The following ZNF341 variants were observed in gnomAD, a reference collection of about 807,000 sequenced individuals.
ZNF341 encodes zinc finger protein 341.
Under a neutral mutation model 87.7 loss-of-function variants are expected in ZNF341, and 52 were observed. The observed-to-expected ratio is 0.59, with a 90% CI of 0.47 to 0.75. The LOEUF (loss-of-function observed/expected upper bound fraction) is 0.75, where lower values mean the gene tolerates loss of function less well. Ranked by LOEUF, ZNF341 falls within the 30% of genes least tolerant of loss-of-function variation. The probability of loss-of-function intolerance (pLI) is 0.00; values close to 1 mark genes in which losing one functional copy is unlikely to be tolerated. For synonymous variants in ZNF341, 459 were observed against 472.7 expected (o/e 0.97, Z 0.38); for missense variants, 977 against 1,145.9 (o/e 0.85, Z 2.13).
intron 10 of ZNF341, among the ~76,000 whole-genome samples, chr20:33,773,106 A>G (rs755319128): frequency 5.3e-5 from 8 of 152,178 alleles, no homozygotes; most frequent in Non-Finnish European, 8.8e-5. Context: ...CTCTGTGCCA[A>G]GCTTTGCCTT....
In ZNF341 at chr20:33,757,290, C is replaced by T. The variant is rs1468849894; in HGVS notation, c.884C>T (p.Ser295Phe). The change falls in exon 6 of 15, where the codon TCT becomes TTT. Residue 295 changes from serine (S) to phenylalanine (F), a missense_variant. Ser to Phe is a radical substitution (Grantham distance 155, BLOSUM62 -2). Around this residue, in one of 3 missense-constraint regions of ZNF341, gnomAD observed 515 missense variants for 598.2 expected, o/e 0.86. Coordinates refer to ENST00000375200, the MANE Select transcript of ZNF341 (RefSeq NM_001282933.2). ...GGGGGCACGGTGGCCACCTTTGACT[C>T]TCCAGCAACGCTGAAGACCCGACGA... ...ATGGTVATFD[S>F]PATLKTRRAK... The T allele has an allele frequency of 1.2e-6, 2 of 1,601,610 alleles. No homozygotes were observed. The highest frequency in any genetic ancestry group is 1.7e-5 in the Admixed American group (1 of 57,294).
Position 33,732,440 on chromosome 20 carries a change from C to A in ZNF341, c.31+388C>A, listed in dbSNP as rs560905835. ...GCGGGGCCCGGGACGGGGGTGCGGT[C>A]GCAGCTGCGGGCAGGAGGGCCTCGG... On this transcript the variant is annotated intron_variant, in intron 1 of 14. Coordinates refer to ENST00000375200, the MANE Select transcript of ZNF341 (RefSeq NM_001282933.2). The surrounding 1 kb of genome is among the most constrained non-coding windows in gnomAD (Gnocchi z 4.5). Among the ~76,000 whole-genome samples, 20 of 152,064 alleles carry A rather than the reference C, an allele frequency of 1.3e-4. No homozygotes were observed. The highest frequency in any genetic ancestry group is 3.3e-4 in the Admixed American group (5 of 15,292).
chr20:33,770,020 G>C lies in ZNF341; in HGVS notation c.1414-64G>C, dbSNP rs1601273658. ...TCAGTGTCCAAGGCCAATGCCACAG[G>C]CCAGGGGCTGCAGTGGAGGAAGCTC... On this transcript the variant is annotated intron_variant, in intron 9 of 14. Transcript: ENST00000375200. 34 of 1,165,230 alleles carry C rather than the reference G, an allele frequency of 2.9e-5. No homozygotes were observed. In the South Asian group the frequency reaches 4.2e-4, roughly 14 times the overall value. 72.2% of individuals were successfully genotyped at this position (1,165,230 alleles called of 1,614,324 possible).
At chr20:33,754,703 A>G (rs1397057140) in intron 5 of ZNF341, among the ~76,000 whole-genome samples, 1 of 152,172 alleles carries the variant, frequency 6.6e-6, no homozygotes, top group African/African-American at 2.4e-5. Flanking sequence ...TTGATTTTCC[A>G]TGTAGATGAG....
intron 4 of ZNF341, chr20:33,752,506 C>T (rs984643957): frequency 9.1e-5 from 45 of 493,182 alleles, no homozygotes; most frequent in African/African-American, 8.2e-4. Context: ...GGCCGAATGA[C>T]CCTTTTTCTT....
chr20:33,736,431 C>T (rs1412480611), intron 1 of ZNF341, among the ~76,000 whole-genome samples: 1 of 152,104 alleles, frequency 6.6e-6, no homozygotes, highest in South Asian at 2.1e-4. Flanking sequence ...GATAATAGCC[C>T]TTCCCCAAAA....
At position 33,779,448 on chromosome 20, in the gene ZNF341, CTTTT is replaced by C. The variant is rs34100674; in HGVS notation, c.1623-1826_1623-1823del. 1.7e-3 allele frequency among the ~76,000 whole-genome samples: 220 copies of C among 129,074 alleles called. 1 individual carries two copies. Among genetic ancestry groups the C allele is most frequent in the Non-Finnish European group, 3.1e-3 (191 of 60,884 alleles). 84.7% of individuals were successfully genotyped at this position (129,074 alleles called of 152,430 possible). On this transcript the variant is annotated intron_variant, in intron 10 of 14. Transcript: ENST00000375200. ...TATGTCAGACTCTGTGACAATCTCC[CTTTT>C]TTTTTTTTTTTTTTTTGAGATGGAG...
chr20:33,745,209 G>A lies in ZNF341; in HGVS notation c.249G>A (p.Leu83=). ...REQCQGNAPA[L]ATVSLATNSI... ...AGTGCCAGGGGAATGCCCCCGCCCTGGCCACAGTCTCACTGGCCACCAACA... is the reference window on the plus strand; with the variant it reads ...AGTGCCAGGGGAATGCCCCCGCCCTAGCCACAGTCTCACTGGCCACCAACA... The change falls in exon 3 of 15, where the codon CTG becomes CTA. Residue 83 remains leucine (L), a synonymous_variant. Transcript: ENST00000375200. The A allele has an allele frequency of 6.2e-7, 1 of 1,614,182 alleles. No individual in the cohort carries two copies. Among genetic ancestry groups the A allele is most frequent in the Non-Finnish European group, 8.5e-7 (1 of 1,180,036 alleles).
chr20:33,789,004 G>C (rs1003409855), intron 13 of ZNF341, 30 bp downstream of exon 13: 3 of 1,579,004 alleles, frequency 1.9e-6, no homozygotes, highest in African/African-American at 2.7e-5. Context: ...CAGGGGGGTG[G>C]GTAGCGGGAC....
chr20:33,746,964 G>A (rs2018940131), intron 3 of ZNF341, among the ~76,000 whole-genome samples: 1 of 152,128 alleles, frequency 6.6e-6, no homozygotes, highest in Non-Finnish European at 1.5e-5. Flanking sequence ...ACCTTTAAAC[G>A]GAGGCAGTGA....
chr20:33,775,923 C>T (rs1278019030), intron 10 of ZNF341, among the ~76,000 whole-genome samples: 1 of 151,866 alleles, frequency 6.6e-6, no homozygotes, highest in Non-Finnish European at 1.5e-5. Flanking sequence ...TGGCCTAGAA[C>T]TCCAAGGCTC....
intron 2 of ZNF341, among the ~76,000 whole-genome samples, chr20:33,743,023 G>GTC (rs1299997491): frequency 6.0e-5 from 9 of 150,704 alleles, no homozygotes; most frequent in African/African-American, 1.7e-4. Flanking sequence ...ACAGGACCCT[G>GTC]TCTCTCTCTT....
Position 33,790,971 on chromosome 20 carries a change from T to C in ZNF341, c.2036-17T>C. Reference sequence around the variant, plus strand: ...GAAGGTCTGGATGCTTCTCACTGACTTTCCCTTGCCCTCCAGGCATGAAGC... The same window carrying C: ...GAAGGTCTGGATGCTTCTCACTGACCTTCCCTTGCCCTCCAGGCATGAAGC... On this transcript the variant is annotated splice_polypyrimidine_tract_variant and intron_variant, in intron 14 of 14. Coordinates refer to ENST00000375200, the MANE Select transcript of ZNF341 (RefSeq NM_001282933.2). The C allele has an allele frequency of 6.2e-7, 1 of 1,600,192 alleles. No individual in the cohort carries two copies. Among genetic ancestry groups the C allele is most frequent in the Non-Finnish European group, 8.5e-7 (1 of 1,172,380 alleles).
chr20:33,762,294 C>T (rs777694435), intron 8 of ZNF341, among the ~76,000 whole-genome samples: 1 of 151,972 alleles, frequency 6.6e-6, no homozygotes, highest in Non-Finnish European at 1.5e-5. Flanking sequence ...CCATTTTTTG[C>T]TGAGCCTGGA....
At position 33,789,594 on chromosome 20, in the gene ZNF341, T is replaced by G; in HGVS notation, c.2035+6T>G. 6.2e-7 allele frequency: 1 copy of G among 1,614,042 alleles called. No individual in the cohort carries two copies. Among genetic ancestry groups the G allele is most frequent in the Non-Finnish European group, 8.5e-7 (1 of 1,180,000 alleles). On this transcript the variant is annotated splice_donor_region_variant and intron_variant, in intron 14 of 14. Transcript: ENST00000375200. ...CCACATCCTCTCCCACTCTGGTAAG[T>G]GGCTCTTGGGCCTGCTAAGAGGGTC...
rs376575380 is a variant in ZNF341, at chr20:33,745,290, C to A, written c.330C>A (p.Ala110=). ...CGGTCCAGCAGGCCCCAACTCCTGC[C>A]AATCGCCAGGTATTTGTTCATTTAT... ...PTAVQQAPTP[A]NRQISTYITV... is the part of the protein sequence containing the mutation. The change falls in exon 3 of 15, where the codon GCC becomes GCA. Residue 110 remains alanine (A), a synonymous_variant. Transcript: ENST00000375200. 6.2e-7 allele frequency: 1 copy of A among 1,611,632 alleles called. No homozygotes were observed. The highest frequency in any genetic ancestry group is 8.5e-7 in the Non-Finnish European group (1 of 1,178,174).
At chr20:33,748,793 G>T (rs2018993242) in intron 3 of ZNF341, 130 bp from the exon 4 acceptor site, 4 of 877,370 alleles carry the variant, frequency 4.6e-6, no homozygotes, top group Non-Finnish European at 5.1e-6. Flanking sequence ...TCCAGAACCT[G>T]GATCTTTTGT....
rs554660648 is a variant in ZNF341, at chr20:33,766,444, C to A, written c.1223-407C>A. 1.3e-3 allele frequency among the ~76,000 whole-genome samples: 193 copies of A among 152,206 alleles called. 3 individuals carry two copies. In the Middle Eastern group the frequency reaches 0.014, roughly 11 times the overall value. ...TTCTGACCTCAAGTGATCCGTCCGC[C>A]TTGACCTCCCAAGGTTCTGGGATTA... On this transcript the variant is annotated intron_variant, in intron 8 of 14. Coordinates refer to ENST00000375200, the MANE Select transcript of ZNF341 (RefSeq NM_001282933.2).
chr20:33,784,898 G>A (rs1368810792), intron 12 of ZNF341, among the ~76,000 whole-genome samples: 1 of 152,146 alleles, frequency 6.6e-6, no homozygotes, highest in African/African-American at 2.4e-5. Context: ...TGACAGGCGT[G>A]AGGCACTGCA....
Sources: allele counts gnomAD v4.1 joint callset (sites outside exome capture counted in the v4.1 genomes callset), GRCh38; gene constraint gnomAD v4.1.1; regional missense constraint gnomAD v4.1.1; non-coding constraint Gnocchi (gnomAD v3.1); transcripts MANE v1.5; gene names NCBI Gene and HGNC (gene_info 2026-07-23, HGNC 2026-07-21).